The following NR3C1 variants were observed in gnomAD, a reference collection of about 807,000 sequenced individuals.
NR3C1 encodes the protein nuclear receptor subfamily 3 group C member 1.
Under a neutral mutation model 74.0 loss-of-function variants are expected in NR3C1, and 14 were observed. The observed-to-expected ratio is 0.19, with a 90% CI of 0.12 to 0.30. The LOEUF (loss-of-function observed/expected upper bound fraction) is 0.30, where lower values mean the gene tolerates loss of function less well. Ranked by LOEUF, NR3C1 falls within the 10% of genes least tolerant of loss-of-function variation. NR3C1 has a pLI of 1.00. For synonymous variants in NR3C1, 308 were observed against 332.5 expected, an observed-to-expected ratio of 0.93 and a Z score of 0.80; for missense variants, 695 against 909.8, an observed-to-expected ratio of 0.76 and a Z score of 3.04.
upstream of NR3C1, chr5:143,404,558 CGGCAGA>C: frequency 1.0e-6 from 1 of 965,310 alleles, no homozygotes; most frequent in Non-Finnish European, 1.2e-6. Flanking sequence ...GCGGCGGCGG[CGGCAGA>C]AGGAGGCGCC....
rs764516216 is a variant in NR3C1, at chr5:143,399,653, T to C, written c.1184+3A>G. The C allele has an allele frequency of 1.3e-6, 2 of 1,596,976 alleles. No homozygotes were observed. The highest frequency in any genetic ancestry group is 1.7e-6 in the Non-Finnish European group (2 of 1,164,304). ...TTAAGAAACAGAAAAACACTGATCT[T>C]ACCTTGAATAGCCATTAGAAAAAAC... On this transcript the variant is annotated splice_donor_region_variant and intron_variant, in intron 2 of 8. Coordinates refer to ENST00000394464, the MANE Select transcript of NR3C1 (RefSeq NM_000176.3).
At chr5:143,285,768 A>C (rs1320917189) in intron 7 of NR3C1, among the ~76,000 whole-genome samples, 1 of 152,144 alleles carries the variant, frequency 6.6e-6, no homozygotes, top group Admixed American at 6.6e-5. Flanking sequence ...CAGTGCTTAG[A>C]AAATTTACAG....
At chr5:143,312,161 A>G (rs1821120101) in intron 3 of NR3C1, among the ~76,000 whole-genome samples, 1 of 151,992 alleles carries the variant, frequency 6.6e-6, no homozygotes, top group South Asian at 2.1e-4. Context: ...CTGGTTTTCT[A>G]TTTATGGTGG....
intron 2 of NR3C1, among the ~76,000 whole-genome samples, chr5:143,386,011 T>C (rs189410648): frequency 6.6e-6 from 1 of 152,338 alleles, no homozygotes; most frequent in African/African-American, 2.4e-5. Flanking sequence ...TGACTCATAG[T>C]TCCACAGGCT....
chr5:143,373,202 A>T (rs147508962), intron 2 of NR3C1, among the ~76,000 whole-genome samples: 12 of 152,306 alleles, frequency 7.9e-5, no homozygotes, highest in African/African-American at 2.6e-4. Context: ...CTAGTTATTC[A>T]ATTTCTAGGT....
chr5:143,294,401 T>A (rs566092768), intron 7 of NR3C1: 9 of 827,654 alleles, frequency 1.1e-5, no homozygotes, highest in East Asian at 2.5e-4. Flanking sequence ...GAGCTTTTTT[T>A]AAAAAAGACT....
At chr5:143,338,344 C>CT (rs562531555) in intron 2 of NR3C1, among the ~76,000 whole-genome samples, 22,129 of 144,482 alleles carry the variant, frequency 0.15, 1,781 homozygotes, top group African/African-American at 0.18. Context: ...ACTTCTTGTC[C>CT]TTTTTTTTTT....
chr5:143,411,918 G>T (rs766079446), intron 1 of NR3C1, among the ~76,000 whole-genome samples: 3 of 152,044 alleles, frequency 2.0e-5, no homozygotes, highest in Admixed American at 2.0e-4. Context: ...GAAAGATGAC[G>T]AAGTTTGTAT....
At chr5:143,294,193 G>A in intron 7 of NR3C1, 1 of 984,956 alleles carries the variant, frequency 1.0e-6, no homozygotes, top group Non-Finnish European at 1.2e-6. Context: ...TCACAGTCTT[G>A]TGCAACATCC....
At chr5:143,364,294 C>T (rs1300204778) in intron 2 of NR3C1, among the ~76,000 whole-genome samples, 1 of 152,210 alleles carries the variant, frequency 6.6e-6, no homozygotes, top group African/African-American at 2.4e-5. Context: ...CCTGCCAACA[C>T]TATCCTTCAA....
chr5:143,314,421 C>A (rs61753479), intron 2 of NR3C1, among the ~76,000 whole-genome samples: 1 of 118,800 alleles, frequency 8.4e-6, no homozygotes, highest in South Asian at 2.8e-4. Context: ...ACTTCTTCTT[C>A]TTTTTTTTTT....
intron 5 of NR3C1, among the ~76,000 whole-genome samples, chr5:143,299,970 C>T (rs767141827): frequency 2.0e-5 from 3 of 152,194 alleles, no homozygotes; most frequent in Non-Finnish European, 2.9e-5. Flanking sequence ...CTCTGCCATT[C>T]CACACCAAAT....
chr5:143,420,505 G>A (rs1158804079), intron 1 of NR3C1, among the ~76,000 whole-genome samples: 5 of 152,170 alleles, frequency 3.3e-5, no homozygotes, highest in Admixed American at 3.3e-4. Context: ...CGCAACAGGG[G>A]AGATCATAGA....
At chr5:143,327,250 T>C (rs1182026191) in intron 2 of NR3C1, among the ~76,000 whole-genome samples, 1 of 152,066 alleles carries the variant, frequency 6.6e-6, no homozygotes, top group African/African-American at 2.4e-5. Flanking sequence ...CAAGGGAAAC[T>C]GCCACATTTA....
At chr5:143,286,467 A>G (rs982259534) in intron 7 of NR3C1, among the ~76,000 whole-genome samples, 20 of 152,292 alleles carry the variant, frequency 1.3e-4, no homozygotes, top group Admixed American at 1.2e-3. Flanking sequence ...ATTAAACAGT[A>G]TATTATACCA....
intron 1 of NR3C1, among the ~76,000 whole-genome samples, chr5:143,417,528 T>C (rs987101002): frequency 4.6e-5 from 7 of 152,152 alleles, no homozygotes; most frequent in Non-Finnish European, 1.0e-4. Flanking sequence ...AGGTTAATAA[T>C]ATTATCTGCC....
intron 2 of NR3C1, among the ~76,000 whole-genome samples, chr5:143,317,691 G>A (rs928726716): frequency 6.6e-6 from 1 of 152,144 alleles, no homozygotes; most frequent in Non-Finnish European, 1.5e-5. Flanking sequence ...TTGCTACAAG[G>A]AGGATTATGG....
At chr5:143,327,821 T>C (rs1342662902) in intron 2 of NR3C1, among the ~76,000 whole-genome samples, 1 of 152,238 alleles carries the variant, frequency 6.6e-6, no homozygotes, top group African/African-American at 2.4e-5. Flanking sequence ...CCCCTGTGGC[T>C]CAGCAGGGTA....
intron 2 of NR3C1, among the ~76,000 whole-genome samples, chr5:143,388,209 ACTGT>A (rs1254012344): frequency 6.6e-6 from 1 of 152,202 alleles, no homozygotes; most frequent in Non-Finnish European, 1.5e-5. Context: ...AAATTTAGAG[ACTGT>A]CAATTGAAAA....
Sources: gnomAD v4.1 joint callset for allele counts (sites outside exome capture counted in the v4.1 genomes callset) on GRCh38, gnomAD v4.1.1 for gene constraint, MANE v1.5 for transcripts, NCBI Gene and HGNC (gene_info 2026-07-23, HGNC 2026-07-21) for gene names.